Variants in FRMD5 observed in about 807,000 individuals in gnomAD.
FRMD5 encodes the protein FERM domain containing 5.
In FRMD5, 20 loss-of-function variants were observed where a neutral mutation model predicts 69.0. The ratio of observed to expected loss-of-function variants is 0.29; its 90% CI spans 0.20 to 0.42. The LOEUF is 0.42. FRMD5 is among the 10% of genes least tolerant of loss of function. The pLI, the probability that FRMD5 is intolerant of heterozygous loss-of-function variation, is 1.00. For synonymous variants in FRMD5, 271 were observed against 260.1 expected (o/e 1.04, Z -0.40); for missense variants, 595 against 708.6 (o/e 0.84, Z 1.82).
At position 44,153,144 on chromosome 15, in the gene FRMD5, T is replaced by C. The variant is rs758585285; in HGVS notation, c.102+41809A>G. ...AAAATGGTACAGCCACTATAGAAAA[T>C]AGTATGGCACTTCCTCAAAAAATTC... On this transcript the variant is annotated intron_variant, in intron 1 of 13. Coordinates refer to ENST00000417257, the MANE Select transcript of FRMD5 (RefSeq NM_032892.5). 1.1e-4 allele frequency among the ~76,000 whole-genome samples: 16 copies of C among 152,054 alleles called. No homozygotes were observed. In the South Asian group the frequency reaches 1.9e-3, roughly 18 times the overall value.
intron 1 of FRMD5, among the ~76,000 whole-genome samples, chr15:44,091,218 G>A (rs1377808425): frequency 6.6e-6 from 1 of 152,162 alleles, no homozygotes; most frequent in Non-Finnish European, 1.5e-5. Flanking sequence ...AAGTGTTACA[G>A]TATACCTGAC....
intron 1 of FRMD5, among the ~76,000 whole-genome samples, chr15:43,966,228 G>A (rs866924022): frequency 4.6e-5 from 7 of 151,678 alleles, no homozygotes; most frequent in South Asian, 2.1e-4. Flanking sequence ...AAAGTTAGCC[G>A]GGGCGTGGTG....
rs566016759 is a variant in FRMD5 at position 43,995,683 on chromosome 15, T to C, written c.103-71374A>G. Among the ~76,000 whole-genome samples, 150 of 151,834 alleles carry C rather than the reference T, an allele frequency of 9.9e-4. 1 individual carries two copies. The highest frequency in any genetic ancestry group is 2.8e-3 in the African/African-American group (114 of 41,384). On this transcript the variant is annotated intron_variant, in intron 1 of 13. Transcript: ENST00000417257. ...GAATGAAGCTTGGATCTGTAGGGGC[T>C]GGTCTGGAGCCTGGGATCATGGGTA...
At chr15:44,009,063 G>A (rs1890593779) in intron 1 of FRMD5, among the ~76,000 whole-genome samples, 1 of 152,094 alleles carries the variant, frequency 6.6e-6, no homozygotes, top group Admixed American at 6.5e-5. Context: ...TTAGCTTCCC[G>A]ACGACAGGAA....
chr15:44,154,076 C>A (rs950966165), intron 1 of FRMD5, among the ~76,000 whole-genome samples: 1 of 152,198 alleles, frequency 6.6e-6, no homozygotes, highest in East Asian at 1.9e-4. Flanking sequence ...AGTCCTAGCA[C>A]TTTGGAAGGC....
intron 1 of FRMD5, among the ~76,000 whole-genome samples, chr15:44,121,932 T>A (rs867838596): frequency 1.4e-5 from 2 of 146,094 alleles, no homozygotes; most frequent in Non-Finnish European, 3.0e-5. Flanking sequence ...GGGGTGGAGG[T>A]TGCAGTGAGC....
chr15:43,897,405 TGAA>T (rs2088936962), intron 7 of FRMD5, among the ~76,000 whole-genome samples: 1 of 145,754 alleles, frequency 6.9e-6, no homozygotes, highest in Non-Finnish European at 1.5e-5. Context: ...AAGAATCACT[TGAA>T]CCCGGGAGGC....
At chr15:44,000,179 G>A (rs910915204) in intron 1 of FRMD5, among the ~76,000 whole-genome samples, 10 of 151,146 alleles carry the variant, frequency 6.6e-5, no homozygotes, top group African/African-American at 9.7e-5. Context: ...GTAGAGACAG[G>A]GTCTTACTAT....
At chr15:43,955,938 G>A (rs1014310555) in intron 1 of FRMD5, among the ~76,000 whole-genome samples, 12 of 152,156 alleles carry the variant, frequency 7.9e-5, no homozygotes, top group African/African-American at 2.9e-4. Flanking sequence ...CCACAGGTAA[G>A]ACAAAAACAT....
At chr15:44,118,377 T>C (rs1479428293) in intron 1 of FRMD5, among the ~76,000 whole-genome samples, 2 of 152,198 alleles carry the variant, frequency 1.3e-5, no homozygotes, top group African/African-American at 4.8e-5. Flanking sequence ...TTTAAGGGTC[T>C]TTCTGGGGCT....
chr15:44,168,616 T>G (rs1463724354), intron 1 of FRMD5, among the ~76,000 whole-genome samples: 1 of 152,194 alleles, frequency 6.6e-6, no homozygotes. Flanking sequence ...GTGAAAATAA[T>G]AAACTGTATC....
At chr15:44,197,282 T>C (rs1198179095), upstream of FRMD5, among the ~76,000 whole-genome samples, 1 of 152,068 alleles carries the variant, frequency 6.6e-6, no homozygotes, top group Non-Finnish European at 1.5e-5. Flanking sequence ...AGAAGACCTG[T>C]GAAGAAACTC....
At chr15:44,180,590 A>C (rs147144250) in intron 1 of FRMD5, among the ~76,000 whole-genome samples, 1 of 152,046 alleles carries the variant, frequency 6.6e-6, no homozygotes, top group Non-Finnish European at 1.5e-5. Flanking sequence ...TTCGAGACCA[A>C]CCTGGCCAAC....
intron 1 of FRMD5, among the ~76,000 whole-genome samples, chr15:44,018,007 C>T (rs544132594): frequency 1.3e-5 from 2 of 152,126 alleles, no homozygotes; most frequent in African/African-American, 2.4e-5. Context: ...AATGTTTATC[C>T]TTTTTTGCTT....
chr15:43,915,484 C>CA (rs1365865511), intron 4 of FRMD5, among the ~76,000 whole-genome samples: 1 of 152,162 alleles, frequency 6.6e-6, no homozygotes, highest in Non-Finnish European at 1.5e-5. Context: ...TGTTGTGTGT[C>CA]AGACATTTTG....
chr15:44,177,674 C>T (rs1017231316), intron 1 of FRMD5, among the ~76,000 whole-genome samples: 1 of 152,218 alleles, frequency 6.6e-6, no homozygotes, highest in Middle Eastern at 3.4e-3. Context: ...ATACTAAAAA[C>T]TGTTGAAATG....
At chr15:44,093,874 T>C (rs2076512388) in intron 1 of FRMD5, among the ~76,000 whole-genome samples, 1 of 151,886 alleles carries the variant, frequency 6.6e-6, no homozygotes, top group African/African-American at 2.4e-5. Flanking sequence ...GCCCGGCCCC[T>C]AATATCTTAA....
intron 2 of FRMD5, among the ~76,000 whole-genome samples, chr15:43,921,915 G>A (rs1386562184): frequency 5.9e-5 from 9 of 152,298 alleles, no homozygotes; most frequent in African/African-American, 1.4e-4. Flanking sequence ...GACTGACATC[G>A]GATGGATGTA....
At chr15:44,167,642 T>A (rs531598955) in intron 1 of FRMD5, among the ~76,000 whole-genome samples, 2 of 152,050 alleles carry the variant, frequency 1.3e-5, no homozygotes, top group Admixed American at 1.3e-4. Context: ...CAGGCTGGAG[T>A]GCAATGGCAC....
Sources: gnomAD v4.1 joint callset for allele counts (sites outside exome capture counted in the v4.1 genomes callset) on GRCh38, gnomAD v4.1.1 for gene constraint, MANE v1.5 for transcripts, NCBI Gene and HGNC (gene_info 2026-07-23, HGNC 2026-07-21) for gene names.